GATB: variants seen among roughly 807,000 people sequenced by gnomAD.
The protein encoded by GATB is glutamyl-tRNA amidotransferase subunit B.
GATB carries 39 observed loss-of-function variants against 62.3 expected under a neutral mutation model. The ratio of observed to expected loss-of-function variants is 0.63; its 90% CI spans 0.48 to 0.82. The LOEUF (loss-of-function observed/expected upper bound fraction) is 0.82. GATB is among the 40% of genes least tolerant of loss of function. GATB has a pLI of 0.00. For synonymous variants in GATB, 276 were observed against 258.9 expected (o/e 1.07, Z -0.63); for missense variants, 670 against 684.0 (o/e 0.98, Z 0.23).
At chr4:151,696,323 C>T (rs1431628289) in intron 9 of GATB, among the ~76,000 whole-genome samples, 1 of 152,144 alleles carries the variant, frequency 6.6e-6, no homozygotes, top group Non-Finnish European at 1.5e-5. Flanking sequence ...GTGGTAAAAA[C>T]TTTTAAATGA....
chr4:151,743,904 A>C (rs1430904657), intron 2 of GATB, among the ~76,000 whole-genome samples: 1 of 152,250 alleles, frequency 6.6e-6, no homozygotes, highest in East Asian at 1.9e-4. Context: ...GAAGTGAAAA[A>C]TGAGCAAGAA....
At position 151,706,132 on chromosome 4, in the gene GATB, A is replaced by G. The variant is rs139102711; in HGVS notation, c.878-863T>C. Among the ~76,000 whole-genome samples, 86 of 152,350 alleles carry G rather than the reference A, an allele frequency of 5.6e-4. 1 individual carries two copies. The East Asian group carries it at 0.01, about 18-fold the overall frequency. The stretch of plus-strand genomic sequence containing the variant: ...TTGCTCCCCATCTCTCCCCAACTCC[A>G]GTGATCTCTTTGGTTGACACGAGAT... On this transcript the variant is annotated intron_variant, in intron 6 of 12. Coordinates refer to ENST00000263985, the MANE Select transcript of GATB (RefSeq NM_004564.3).
chr4:151,716,735 G>A, intron 4 of GATB, 141 bp downstream of exon 4: 4 of 707,730 alleles, frequency 5.7e-6, no homozygotes, highest in Non-Finnish European at 9.4e-6. Flanking sequence ...CAATCCCAAT[G>A]CTGATATTTT....
At chr4:151,716,300 A>C (rs1738912330) in intron 4 of GATB, 169 bp from the exon 5 acceptor site, 2 of 656,914 alleles carry the variant, frequency 3.0e-6, no homozygotes, top group Non-Finnish European at 4.7e-6. Context: ...TTTTTTTTAA[A>C]GAGGCGTCAT....
At chr4:151,747,244 C>T (rs1325071708) in intron 2 of GATB, among the ~76,000 whole-genome samples, 2 of 152,146 alleles carry the variant, frequency 1.3e-5, no homozygotes, top group Non-Finnish European at 2.9e-5. Flanking sequence ...GCCATGAGCC[C>T]ATGTGATAGG....
intron 5 of GATB, among the ~76,000 whole-genome samples, chr4:151,712,717 A>C (rs1738842099): frequency 6.6e-6 from 1 of 152,212 alleles, no homozygotes; most frequent in Admixed American, 6.5e-5. Context: ...ATTCCATAAA[A>C]GTATTACTAC....
chr4:151,679,591 C>T (rs1738093700), intron 11 of GATB, among the ~76,000 whole-genome samples: 1 of 152,190 alleles, frequency 6.6e-6, no homozygotes, highest in South Asian at 2.1e-4. Flanking sequence ...ATAACTATTT[C>T]CCCAGGTTAG....
At chr4:151,674,722 C>A (rs923647774) in intron 11 of GATB, 2 of 152,204 alleles carry the variant, frequency 1.3e-5, no homozygotes, top group Non-Finnish European at 1.5e-5. Flanking sequence ...CATAATTTAT[C>A]CCCTCCTCGT....
At position 151,754,433 on chromosome 4, in the gene GATB, G is replaced by A. The variant is rs1329301418; in HGVS notation, c.327+4339C>T. ...ACTAACATGTTTATTAAAAGGTAGT[G>A]CAACTGCCTGCTTGCTTGTTCATGC... On this transcript the variant is annotated intron_variant, in intron 2 of 12. Transcript: ENST00000263985. Among the ~76,000 whole-genome samples the A allele has an allele frequency of 7.2e-5, 11 of 152,160 alleles. 1 individual carries two copies. The highest frequency in any genetic ancestry group is 7.2e-4 in the Admixed American group (11 of 15,270).
intron 2 of GATB, among the ~76,000 whole-genome samples, chr4:151,740,949 A>G (rs961158447): frequency 6.6e-6 from 1 of 152,086 alleles, no homozygotes; most frequent in Non-Finnish European, 1.5e-5. Flanking sequence ...TTATATCACC[A>G]AAAGACTCCT....
chr4:151,731,415 T>G (rs888102966), intron 2 of GATB, among the ~76,000 whole-genome samples: 3 of 152,198 alleles, frequency 2.0e-5, no homozygotes, highest in Non-Finnish European at 2.9e-5. Context: ...GCTCACTCAG[T>G]GCTCAATGTT....
At chr4:151,719,611 C>T (rs1369466920) in intron 2 of GATB, 73 bp from the exon 3 acceptor site, 2 of 1,021,950 alleles carry the variant, frequency 2.0e-6, no homozygotes, top group East Asian at 2.8e-5. Context: ...CACTGACATC[C>T]TCGCTGAATA....
intron 2 of GATB, among the ~76,000 whole-genome samples, chr4:151,727,001 A>G (rs970726158): frequency 6.6e-6 from 1 of 152,144 alleles, no homozygotes; most frequent in African/African-American, 2.4e-5. Context: ...AAGGCAGCCT[A>G]GATCTTCCAG....
At position 151,713,370 on chromosome 4, in the gene GATB, C is replaced by T. The variant is rs75080622; in HGVS notation, c.763+2639G>A. ...AATTGTCTTCCACGAAACCGGTCCC[C>T]GGAGCTAAAATGGTTGGGAACTCTT... On this transcript the variant is annotated intron_variant, in intron 5 of 12. Coordinates refer to ENST00000263985, the MANE Select transcript of GATB (RefSeq NM_004564.3). Among the ~76,000 whole-genome samples the T allele has an allele frequency of 2.6e-3, 395 of 152,326 alleles. 1 individual carries two copies. Among genetic ancestry groups the T allele is most frequent in the African/African-American group, 9.1e-3 (377 of 41,564 alleles).
intron 2 of GATB, among the ~76,000 whole-genome samples, chr4:151,742,183 G>A (rs925060219): frequency 2.0e-5 from 3 of 148,462 alleles, no homozygotes; most frequent in Non-Finnish European, 4.4e-5. Flanking sequence ...CTGCATCCCC[G>A]GTCCATGCCA....
chr4:151,731,317 A>G (rs1203258688), intron 2 of GATB, among the ~76,000 whole-genome samples: 1 of 152,166 alleles, frequency 6.6e-6, no homozygotes, highest in Non-Finnish European at 1.5e-5. Flanking sequence ...GGGTTTCGCC[A>G]TGTTGGCCGG....
At chr4:151,722,082 G>C (rs1364474681) in intron 2 of GATB, 3 of 653,538 alleles carry the variant, frequency 4.6e-6, no homozygotes, top group Non-Finnish European at 8.2e-6. Context: ...GAGAGTGTCA[G>C]TTAGAAGAAT....
At chr4:151,735,757 T>TATATATATATA (rs1186195836) in intron 2 of GATB, among the ~76,000 whole-genome samples, 47 of 136,272 alleles carry the variant, frequency 3.4e-4, no homozygotes, top group African/African-American at 5.3e-4. Context: ...TATATATATA[T>TATATATATATA]GATGGAATAC....
At position 151,707,983 on chromosome 4, in the gene GATB, T is replaced by G. The variant is rs1015724665; in HGVS notation, c.877+5A>C. 1.3e-6 allele frequency: 2 copies of G among 1,588,054 alleles called. No individual in the cohort carries two copies. Among genetic ancestry groups the G allele is most frequent in the African/African-American group, 2.7e-5 (2 of 74,394 alleles). On this transcript the variant is annotated splice_donor_5th_base_variant and intron_variant, in intron 6 of 12. Transcript: ENST00000263985. Reference sequence around the variant, plus strand: ...AGGACACTAGGAGCGGCAGCTGGCATTCACCTATGGCTTTGGCCAGGAACC... The same window carrying G: ...AGGACACTAGGAGCGGCAGCTGGCAGTCACCTATGGCTTTGGCCAGGAACC...
Sources: allele counts gnomAD v4.1 joint callset (sites outside exome capture counted in the v4.1 genomes callset), GRCh38; gene constraint gnomAD v4.1.1; transcripts MANE v1.5; gene names NCBI Gene and HGNC (gene_info 2026-07-23, HGNC 2026-07-21).